The following ASCC3 variants were observed in gnomAD, a reference collection of about 807,000 sequenced individuals.
The protein encoded by ASCC3 is ASC-1 complex subunit P200.
Under a neutral mutation model 256.3 loss-of-function variants are expected in ASCC3, and 158 were observed. The observed-to-expected ratio is 0.62, with a 90% CI of 0.54 to 0.70. ASCC3 has a LOEUF of 0.70. ASCC3 is among the 30% of genes least tolerant of loss of function. ASCC3 has a pLI of 0.00. For missense variants in ASCC3, 2,259 were observed against 2,626.0 expected, an observed-to-expected ratio of 0.86 and a Z score of 3.05; for synonymous variants, 948 against 883.4, an observed-to-expected ratio of 1.07 and a Z score of -1.30.
intron 36 of ASCC3, among the ~76,000 whole-genome samples, chr6:100,567,354 A>T (rs1042725294): frequency 1.5e-4 from 23 of 152,150 alleles, no homozygotes; most frequent in African/African-American, 5.3e-4. Context: ...GACTAGAGGC[A>T]TAGGTGTACA....
At chr6:100,848,091 A>G (rs1180052264) in intron 4 of ASCC3, 57 bp downstream of exon 4, 2 of 1,468,312 alleles carry the variant, frequency 1.4e-6, no homozygotes, top group Non-Finnish European at 1.8e-6. Flanking sequence ...TTTAAAAAAC[A>G]CTATTTCATT....
rs538128705 is a variant in ASCC3, at chr6:100,581,652, C to T, written c.5550+7982G>A. ...CTTTTGGTGTTTTGGACATGAAGTCCTTGCCCATGGCTATGTCCTGAATGG... is the reference window on the plus strand; with the variant it reads ...CTTTTGGTGTTTTGGACATGAAGTCTTTGCCCATGGCTATGTCCTGAATGG... On this transcript the variant is annotated intron_variant, in intron 36 of 41. Coordinates refer to ENST00000369162, the MANE Select transcript of ASCC3 (RefSeq NM_006828.4). 5.3e-4 allele frequency among the ~76,000 whole-genome samples: 80 copies of T among 152,196 alleles called. 1 individual carries two copies. Among genetic ancestry groups the T allele is most frequent in the Non-Finnish European group, 5.6e-4 (38 of 67,992 alleles).
At chr6:100,607,600 A>T (rs578208124) in intron 30 of ASCC3, among the ~76,000 whole-genome samples, 5 of 152,148 alleles carry the variant, frequency 3.3e-5, no homozygotes, top group African/African-American at 1.2e-4. Flanking sequence ...CTGTTTCTTT[A>T]ACTGTAAATT....
At chr6:100,573,418 G>A (rs571023956) in intron 36 of ASCC3, among the ~76,000 whole-genome samples, 2 of 152,166 alleles carry the variant, frequency 1.3e-5, no homozygotes, top group East Asian at 3.9e-4. Context: ...CAATTTTAGA[G>A]TACTTAAACT....
At chr6:100,865,325 T>C (rs539589367) in intron 2 of ASCC3, among the ~76,000 whole-genome samples, 1 of 152,316 alleles carries the variant, frequency 6.6e-6, no homozygotes, top group African/African-American at 2.4e-5. Flanking sequence ...TTTAAAAGTT[T>C]ATAGGAATTA....
At chr6:100,686,330 G>T (rs1285864683) in intron 13 of ASCC3, among the ~76,000 whole-genome samples, 9 of 152,012 alleles carry the variant, frequency 5.9e-5, no homozygotes, top group Non-Finnish European at 1.2e-4. Flanking sequence ...TTCAAAATTA[G>T]AAAGTATAAA....
intron 30 of ASCC3, among the ~76,000 whole-genome samples, chr6:100,612,650 T>C (rs541583102): frequency 6.6e-6 from 1 of 152,122 alleles, no homozygotes; most frequent in South Asian, 2.1e-4. Context: ...AATCACCAAA[T>C]GTTAATTTCT....
chr6:100,547,893 A>G (rs1487634653), intron 36 of ASCC3, among the ~76,000 whole-genome samples: 1 of 152,006 alleles, frequency 6.6e-6, no homozygotes, highest in African/African-American at 2.4e-5. Flanking sequence ...TCAGAAAAAA[A>G]CTTAAATGTC....
intron 30 of ASCC3, among the ~76,000 whole-genome samples, chr6:100,607,910 AC>A (rs558713038): frequency 9.2e-4 from 137 of 148,706 alleles, no homozygotes; most frequent in African/African-American, 2.7e-3. Context: ...TTTATAATTT[AC>A]CTTTTAATTT....
In ASCC3 at chr6:100,829,233, CTCCTCAGCCCTTG is replaced by C. The variant is rs772716626; in HGVS notation, c.801+18902_801+18914del. ...GCCAGACCCGCACCGTGCACCTGCA[CTCCTCAGCCCTTG>C]GGTGGTCGATGGGACTGGGCACCGT... On this transcript the variant is annotated intron_variant, in intron 4 of 41. Transcript: ENST00000369162. Among the ~76,000 whole-genome samples, 196 of 152,296 alleles carry C rather than the reference CTCCTCAGCCCTTG, an allele frequency of 1.3e-3. 1 individual carries two copies. Among genetic ancestry groups the C allele is most frequent in the Non-Finnish European group, 2.5e-3 (167 of 68,014 alleles).
intron 8 of ASCC3, among the ~76,000 whole-genome samples, chr6:100,796,313 G>A (rs1769611051): frequency 6.6e-6 from 1 of 152,140 alleles, no homozygotes; most frequent in African/African-American, 2.4e-5. Context: ...GCATGCAGTT[G>A]CAATATGACC....
At chr6:100,666,748 CTATT>C (rs1172426066) in intron 14 of ASCC3, among the ~76,000 whole-genome samples, 2 of 152,060 alleles carry the variant, frequency 1.3e-5, no homozygotes, top group Non-Finnish European at 2.9e-5. Context: ...CCTCATGAGA[CTATT>C]TAGTGCTAAG....
intron 38 of ASCC3, 133 bp from the exon 39 acceptor site, chr6:100,516,460 G>C (rs1412745770): frequency 8.7e-7 from 1 of 1,151,248 alleles, no homozygotes; most frequent in Non-Finnish European, 1.2e-6. Flanking sequence ...ATTATGCTAA[G>C]TTTAAAAATT....
intron 36 of ASCC3, among the ~76,000 whole-genome samples, chr6:100,583,388 T>G (rs184490665): frequency 6.6e-6 from 1 of 151,918 alleles, no homozygotes; most frequent in African/African-American, 2.4e-5. Flanking sequence ...GTGTTTGTAG[T>G]ATTCTCTGAT....
At chr6:100,768,530 A>C (rs942257031) in intron 8 of ASCC3, among the ~76,000 whole-genome samples, 12 of 152,216 alleles carry the variant, frequency 7.9e-5, no homozygotes, top group Admixed American at 4.6e-4. Flanking sequence ...TCAACACGAT[A>C]TAATAGTCCT....
At position 100,690,387 on chromosome 6, in the gene ASCC3, T is replaced by A. The variant is rs187843465; in HGVS notation, c.2152-10635A>T. Among the ~76,000 whole-genome samples, 5 of 152,234 alleles carry A rather than the reference T, an allele frequency of 3.3e-5. No individual in the cohort carries two copies. The East Asian group carries it at 9.6e-4, about 29-fold the overall frequency. ...ATATGGAGAGCCAACTGTAATGTACTACTGAACAAGAATAAAGGAAGCATC... is the reference window on the plus strand; with the variant it reads ...ATATGGAGAGCCAACTGTAATGTACAACTGAACAAGAATAAAGGAAGCATC... On this transcript the variant is annotated intron_variant, in intron 13 of 41. Transcript: ENST00000369162.
chr6:100,731,538 G>A (rs139258158), intron 10 of ASCC3, among the ~76,000 whole-genome samples: 32 of 152,234 alleles, frequency 2.1e-4, no homozygotes, highest in African/African-American at 6.7e-4. Context: ...TTAATGTCTC[G>A]TAGAGCAGGC....
chr6:100,605,294 C>T (rs1262937502), intron 33 of ASCC3, among the ~76,000 whole-genome samples: 1 of 152,114 alleles, frequency 6.6e-6, no homozygotes, highest in Admixed American at 6.6e-5. Context: ...CAAGATCAAG[C>T]AAGTAAATGG....
rs1774023687 is a variant in ASCC3 at position 100,516,275 on chromosome 6, C to T, written c.5980G>A (p.Glu1994Lys). 3 of 1,613,626 alleles carry T rather than the reference C, an allele frequency of 1.9e-6. No individual in the cohort carries two copies. Among genetic ancestry groups the T allele is most frequent in the Admixed American group, 1.7e-5 (1 of 59,978 alleles). ...GPHARGRTSI[E>K]SLPELIHACG... is the part of the protein sequence containing the mutation. ...GCATGGATCAGTTCAGGAAGGGACT[C>T]GATGGAGGTCCGACCCCTAGCATGT... The change falls in exon 39 of 42, where the codon GAG (glutamate) becomes AAG (lysine). Residue 1994 changes from glutamate to lysine, a missense_variant. Glu to Lys is a moderately conservative substitution (Grantham distance 56). Transcript: ENST00000369162.
Sources: allele counts gnomAD v4.1 joint callset (sites outside exome capture counted in the v4.1 genomes callset), GRCh38; gene constraint gnomAD v4.1.1; transcripts MANE v1.5; gene names NCBI Gene and HGNC (gene_info 2026-07-23, HGNC 2026-07-21).